The following WDR93 variants were observed in gnomAD, a reference collection of about 807,000 sequenced individuals.
The protein encoded by WDR93 is WD repeat domain 93, also known as WD repeat-containing protein 93.
A neutral mutation model predicts 82.9 loss-of-function variants in WDR93; 73 were observed. The ratio of observed to expected loss-of-function variants is 0.88; its 90% CI spans 0.73 to 1.07. The LOEUF is 1.07. Among genes scored for constraint, WDR93 ranks in the 50% least tolerant of loss-of-function variants. WDR93 has a pLI of 0.00. For missense variants in WDR93, 738 were observed against 826.0 expected (o/e 0.89, Z 1.31); for synonymous variants, 283 against 300.1 (o/e 0.94, Z 0.59).
At chr15:89,690,737 G>A, upstream of WDR93, 1 of 785,048 alleles carries the variant, frequency 1.3e-6, no homozygotes. Flanking sequence ...CCGCTGAGGG[G>A]GAGGGGCTGA....
chr15:89,714,944 A>G (rs774244876), intron 5 of WDR93, 36 bp from the exon 6 acceptor site: 3 of 1,571,248 alleles, frequency 1.9e-6, no homozygotes, highest in Admixed American at 3.5e-5. Context: ...TGGCTCTCTT[A>G]CAGTTGCTCA....
chr15:89,737,849 A>G, intron 15 of WDR93, 120 bp downstream of exon 15: 1 of 1,432,304 alleles, frequency 7.0e-7, no homozygotes. Flanking sequence ...CATAGGCCAA[A>G]GGGTACCGCA....
intron 12 of WDR93, 51 bp from the exon 13 acceptor site, chr15:89,732,955 C>A: frequency 6.4e-7 from 1 of 1,567,822 alleles, no homozygotes; most frequent in Non-Finnish European, 8.8e-7. Context: ...GTGCCCATGG[C>A]CTCCTCCCCT....
chr15:89,714,618 G>A (rs1367774668), intron 5 of WDR93, among the ~76,000 whole-genome samples: 2 of 152,134 alleles, frequency 1.3e-5, no homozygotes, highest in African/African-American at 4.8e-5. Context: ...CGCCATGCCC[G>A]GCCCCATATT....
At chr15:89,734,577 T>C (rs1291589842) in intron 13 of WDR93, among the ~76,000 whole-genome samples, 1 of 152,178 alleles carries the variant, frequency 6.6e-6, no homozygotes, top group East Asian at 1.9e-4. Flanking sequence ...ATTCAAGCAG[T>C]AGAAAAACAG....
intron 7 of WDR93, among the ~76,000 whole-genome samples, chr15:89,720,130 T>C (rs1170974866): frequency 6.6e-6 from 1 of 152,134 alleles, no homozygotes; most frequent in Non-Finnish European, 1.5e-5. Context: ...GAAGCTCAAA[T>C]CATTGAGATC....
Position 89,716,817 on chromosome 15 carries a change from A to T in WDR93, c.757-94A>T. ...GTTGCATGAATTCACTCACAAGAGTAATTGAGGGGAAGAGAGAGCATGCCA... is the reference window on the plus strand; with the variant it reads ...GTTGCATGAATTCACTCACAAGAGTTATTGAGGGGAAGAGAGAGCATGCCA... On this transcript the variant is annotated intron_variant, in intron 6 of 16. Transcript: ENST00000268130. 6.9e-6 allele frequency: 6 copies of T among 866,640 alleles called. No individual in the cohort carries two copies. The Admixed American group carries it at 1.5e-4, about 21-fold the overall frequency. 53.7% of individuals were successfully genotyped at this position (866,640 alleles called of 1,614,324 possible). A position where few individuals can be genotyped will look rare whatever the true frequency, so the allele number is the denominator to read the frequency against.
chr15:89,710,437 T>C (rs1230547221), intron 4 of WDR93, among the ~76,000 whole-genome samples: 1 of 152,204 alleles, frequency 6.6e-6, no homozygotes, highest in Non-Finnish European at 1.5e-5. Flanking sequence ...GGAAGTGTAG[T>C]TGGCTCAAAC....
upstream of WDR93, chr15:89,690,678 GTCCTCTGGGGCCCGTCGGAT>G: frequency 7.0e-7 from 1 of 1,424,274 alleles, no homozygotes; most frequent in Non-Finnish European, 9.7e-7. Flanking sequence ...TCAGGCGTGG[GTCCTCTGGGGCCCGTCGGAT>G]CCCCAGGGAA....
At chr15:89,730,233 G>A (rs1966848247) in intron 11 of WDR93, among the ~76,000 whole-genome samples, 2 of 151,340 alleles carry the variant, frequency 1.3e-5, no homozygotes, top group South Asian at 4.2e-4. Context: ...TCTGAGGCAG[G>A]AGAATCACAT....
intron 1 of WDR93, among the ~76,000 whole-genome samples, chr15:89,693,972 CA>C (rs1433713208): frequency 6.6e-6 from 1 of 152,186 alleles, no homozygotes; most frequent in Non-Finnish European, 1.5e-5. Flanking sequence ...AAGAAATTGC[CA>C]AACTGTTTTC....
At chr15:89,690,707 AACGGTCAGT>A, upstream of WDR93, 3 of 1,092,752 alleles carry the variant, frequency 2.7e-6, no homozygotes, top group African/African-American at 1.6e-5. Context: ...ATCCCCAGGG[AACGGTCAGT>A]CCCAGGTTAT....
intron 16 of WDR93, 88 bp downstream of exon 16, chr15:89,738,324 T>C: frequency 1.4e-6 from 2 of 1,435,932 alleles, no homozygotes; most frequent in Non-Finnish European, 1.9e-6. Context: ...GGTAAATCCT[T>C]TCAGCATTGA....
chr15:89,715,879 C>T (rs1306887892), intron 6 of WDR93, among the ~76,000 whole-genome samples: 1 of 152,132 alleles, frequency 6.6e-6, no homozygotes, highest in South Asian at 2.1e-4. Flanking sequence ...CCATCGCACC[C>T]GGCCTGTGCT....
chr15:89,729,897 G>A, intron 11 of WDR93, 128 bp downstream of exon 11: 2 of 773,820 alleles, frequency 2.6e-6, no homozygotes, highest in South Asian at 1.6e-5. Context: ...TAGGCAGGCA[G>A]TAGGGGGTTT....
chr15:89,730,166 A>C (rs1966847482), intron 11 of WDR93, among the ~76,000 whole-genome samples: 1 of 152,164 alleles, frequency 6.6e-6, no homozygotes, highest in African/African-American at 2.4e-5. Flanking sequence ...CTCTACTAAA[A>C]ATACAAAAAT....
At chr15:89,739,614 T>A (rs1357292495) in intron 16 of WDR93, among the ~76,000 whole-genome samples, 6 of 152,194 alleles carry the variant, frequency 3.9e-5, no homozygotes, top group African/African-American at 1.4e-4. Context: ...TGTTGATGAT[T>A]CCTTTTGGGA....
At position 89,694,330 on chromosome 15, in the gene WDR93, T is replaced by C. The variant is rs1478332210; in HGVS notation, c.-41+3473T>C. Among the ~76,000 whole-genome samples, 3 of 148,304 alleles carry C rather than the reference T, an allele frequency of 2.0e-5. No homozygotes were observed. The East Asian group carries it at 6.0e-4, about 29-fold the overall frequency. ...CAGTGGCACGATCTCGGCTCACTGG[T>C]TTCACACCATTCTCCTGCCTCAGCC... On this transcript the variant is annotated intron_variant, in intron 1 of 16. Coordinates refer to ENST00000268130, the MANE Select transcript of WDR93 (RefSeq NM_020212.2).
chr15:89,690,668 T>A (rs1431291923), upstream of WDR93: 18 of 1,521,234 alleles, frequency 1.2e-5, no homozygotes, highest in Non-Finnish European at 1.5e-5. Context: ...CGCACGGGGC[T>A]CAGGCGTGGG....
Sources: gnomAD v4.1 joint callset for allele counts (sites outside exome capture counted in the v4.1 genomes callset) on GRCh38, gnomAD v4.1.1 for gene constraint, MANE v1.5 for transcripts, NCBI Gene and HGNC (gene_info 2026-07-23, HGNC 2026-07-21) for gene names.